Variants in TNRC6A observed in about 807,000 individuals in gnomAD.
TNRC6A encodes trinucleotide repeat-containing gene 6A protein.
A neutral mutation model predicts 221.2 loss-of-function variants in TNRC6A; 44 were observed. That is an observed-to-expected ratio of 0.20 (90% CI 0.16 to 0.26). TNRC6A has a LOEUF of 0.26. Ranked by LOEUF, TNRC6A falls within the 10% of genes least tolerant of loss-of-function variation. The probability of loss-of-function intolerance (pLI) is 1.00; values close to 1 mark genes in which losing one functional copy is unlikely to be tolerated. For synonymous variants in TNRC6A, 847 were observed against 838.5 expected (o/e 1.01, Z -0.18); for missense variants, 2,199 against 2,404.4 (o/e 0.91, Z 1.79).
intron 1 of TNRC6A, among the ~76,000 whole-genome samples, chr16:24,625,014 A>G (rs1450165056): frequency 1.3e-5 from 2 of 152,174 alleles, no homozygotes; most frequent in Non-Finnish European, 2.9e-5. Flanking sequence ...TTTATATAAT[A>G]CTAATAAGGC....
intron 7 of TNRC6A, 30 bp downstream of exon 7, chr16:24,793,679 T>C (rs768641898): frequency 7.2e-7 from 1 of 1,381,610 alleles, no homozygotes; most frequent in Non-Finnish European, 9.5e-7. Context: ...TGGTAGCTGT[T>C]ATGTAGCAGT....
intron 2 of TNRC6A, among the ~76,000 whole-genome samples, chr16:24,708,507 C>T (rs1394339741): frequency 6.6e-6 from 1 of 152,098 alleles, no homozygotes; most frequent in East Asian, 1.9e-4. Flanking sequence ...TCTCAAAGTG[C>T]TGGGATTATA....
chr16:24,732,510 C>T (rs535748670), intron 2 of TNRC6A, among the ~76,000 whole-genome samples: 1 of 152,264 alleles, frequency 6.6e-6, no homozygotes, highest in South Asian at 2.1e-4. Flanking sequence ...ATTGTTATCT[C>T]CGTTTTACAG....
upstream of TNRC6A, among the ~76,000 whole-genome samples, chr16:24,724,781 A>G (rs987126981): frequency 3.9e-5 from 6 of 152,116 alleles, no homozygotes; most frequent in Admixed American, 1.3e-4. Flanking sequence ...CTCTCCAGGA[A>G]CTCATATCCA....
At chr16:24,647,962 A>G (rs886422808) in intron 2 of TNRC6A, among the ~76,000 whole-genome samples, 1 of 152,006 alleles carries the variant, frequency 6.6e-6, no homozygotes, top group Non-Finnish European at 1.5e-5. Flanking sequence ...TATGTGTAGA[A>G]CCATACAGTA....
intron 2 of TNRC6A, among the ~76,000 whole-genome samples, chr16:24,647,133 T>C (rs889638786): frequency 1.3e-5 from 2 of 152,114 alleles, no homozygotes; most frequent in Non-Finnish European, 2.9e-5. Flanking sequence ...GGGTTCACCA[T>C]GTTGCCCAGG....
intron 2 of TNRC6A, among the ~76,000 whole-genome samples, chr16:24,690,934 A>C (rs1460102145): frequency 6.6e-6 from 1 of 151,548 alleles, no homozygotes; most frequent in African/African-American, 2.4e-5. Context: ...CAGCCTCCCA[A>C]GTAGCTGGGA....
intron 2 of TNRC6A, among the ~76,000 whole-genome samples, chr16:24,745,915 AAC>A (rs1453414469): frequency 6.6e-6 from 1 of 151,666 alleles, no homozygotes; most frequent in Non-Finnish European, 1.5e-5. Flanking sequence ...AGATTTTCGC[AAC>A]AGTCTTCTCA....
chr16:24,796,059 CA>C (rs1473703836), intron 9 of TNRC6A, 120 bp downstream of exon 9: 1 of 1,057,130 alleles, frequency 9.5e-7, no homozygotes, highest in Non-Finnish European at 1.4e-6. Context: ...GCTGGGGATT[CA>C]AATACACTAA....
intron 18 of TNRC6A, among the ~76,000 whole-genome samples, chr16:24,809,729 C>T (rs984936519): frequency 1.1e-4 from 17 of 152,144 alleles, no homozygotes; most frequent in African/African-American, 4.1e-4. Flanking sequence ...ATTATTTTCT[C>T]TTTGGCTTTT....
At chr16:24,667,804 T>G (rs8057291) in intron 2 of TNRC6A, among the ~76,000 whole-genome samples, 20,497 of 152,180 alleles carry the variant, frequency 0.13, 1,591 homozygotes, top group African/African-American at 0.19. Context: ...TTTGGGAGGC[T>G]GAGGCAGGAG....
intron 2 of TNRC6A, among the ~76,000 whole-genome samples, chr16:24,744,377 T>C (rs1301605823): frequency 6.6e-6 from 1 of 152,182 alleles, no homozygotes; most frequent in Non-Finnish European, 1.5e-5. Flanking sequence ...AATGTCTTGT[T>C]TTCTCATCAA....
In TNRC6A at chr16:24,633,551, C is replaced by T. The variant is rs1364152213; in HGVS notation, n.277-7333C>T. On this transcript the variant is annotated intron_variant and non_coding_transcript_variant, in intron 1 of 2. Coordinates refer to the TNRC6A transcript ENST00000566108. ...CTGGGATTACAGGCGTGTGCCACCA[C>T]ACCCAGCTAATTTTTGTATTGTTAG... Among the ~76,000 whole-genome samples, 4 of 152,044 alleles carry T rather than the reference C, an allele frequency of 2.6e-5. No individual in the cohort carries two copies. In the East Asian group the frequency reaches 7.7e-4, roughly 29 times the overall value.
At chr16:24,665,868 G>A (rs1271969492) in intron 2 of TNRC6A, among the ~76,000 whole-genome samples, 1 of 152,176 alleles carries the variant, frequency 6.6e-6, no homozygotes, top group East Asian at 1.9e-4. Flanking sequence ...GTCTGTCTAT[G>A]CTCTGCTAGC....
intron 2 of TNRC6A, 78 bp downstream of exon 2, chr16:24,730,378 G>C (rs559637192): frequency 1.3e-6 from 2 of 1,525,762 alleles, no homozygotes; most frequent in African/African-American, 2.9e-5. Context: ...TCTGGGTTGA[G>C]AAGTTCCCCC....
At chr16:24,730,195 C>T in intron 1 of TNRC6A, 58 bp from the exon 2 acceptor site, 1 of 1,520,018 alleles carries the variant, frequency 6.6e-7, no homozygotes, top group Admixed American at 2.0e-5. Flanking sequence ...TTTTCACGCG[C>T]ATCTCGTTTT....
intron 3 of TNRC6A, among the ~76,000 whole-genome samples, chr16:24,756,102 C>T (rs555015279): frequency 6.4e-4 from 98 of 152,048 alleles, no homozygotes; most frequent in African/African-American, 2.3e-3. Flanking sequence ...TTTTATATAA[C>T]CTAATATAGC....
chr16:24,653,358 C>T (rs1902771970), intron 2 of TNRC6A, among the ~76,000 whole-genome samples: 1 of 152,166 alleles, frequency 6.6e-6, no homozygotes, highest in South Asian at 2.1e-4. Context: ...TAGCTACATC[C>T]TGTTTCCAAG....
intron 2 of TNRC6A, among the ~76,000 whole-genome samples, chr16:24,715,740 C>T (rs1596537882): frequency 1.3e-5 from 2 of 151,838 alleles, no homozygotes; most frequent in South Asian, 4.2e-4. Context: ...GCTTCTGCCT[C>T]CCAAGTAGCT....
Sources: allele counts gnomAD v4.1 joint callset (sites outside exome capture counted in the v4.1 genomes callset), GRCh38; gene constraint gnomAD v4.1.1; transcripts MANE v1.5; gene names NCBI Gene and HGNC (gene_info 2026-07-23, HGNC 2026-07-21).